Variants in TOX observed in about 807,000 individuals in gnomAD.
TOX encodes the protein thymocyte selection-associated high mobility group box protein TOX.
TOX carries 11 observed loss-of-function variants against 53.7 expected under a neutral mutation model. That is an observed-to-expected ratio of 0.20 (90% CI 0.13 to 0.34). TOX has a LOEUF of 0.34. Ranked by LOEUF, TOX falls within the 10% of genes least tolerant of loss-of-function variation. TOX has a pLI of 1.00. For missense variants in TOX, 570 were observed against 664.6 expected (o/e 0.86, Z 1.56); for synonymous variants, 225 against 245.3 (o/e 0.92, Z 0.77).
chr8:58,998,265 G>T (rs951241946), intron 1 of TOX, among the ~76,000 whole-genome samples: 2 of 150,974 alleles, frequency 1.3e-5, no homozygotes, highest in Non-Finnish European at 3.0e-5. Flanking sequence ...GAGGTGGGTG[G>T]ATCACTTGAG....
intron 3 of TOX, among the ~76,000 whole-genome samples, chr8:58,878,778 A>G (rs1438796037): frequency 6.6e-6 from 1 of 152,092 alleles, no homozygotes; most frequent in Non-Finnish European, 1.5e-5. Flanking sequence ...GTGTTTGAGT[A>G]GGCCAGGCAC....
chr8:58,862,127 A>G (rs950072683), intron 3 of TOX, among the ~76,000 whole-genome samples: 2 of 152,162 alleles, frequency 1.3e-5, no homozygotes, highest in Non-Finnish European at 2.9e-5. Flanking sequence ...TTAAAATAGC[A>G]TGAAACGAAG....
At chr8:58,811,993 C>T (rs879337026) in intron 7 of TOX, among the ~76,000 whole-genome samples, 7 of 151,978 alleles carry the variant, frequency 4.6e-5, no homozygotes, top group Admixed American at 1.3e-4. Flanking sequence ...TTGCTGTTAA[C>T]GTTCTTCTCT....
rs118163690 is a variant in TOX at position 58,843,354 on chromosome 8, G to A, written c.694-5043C>T. 3.7e-4 allele frequency among the ~76,000 whole-genome samples: 57 copies of A among 152,182 alleles called. 1 individual carries two copies. In the East Asian group the frequency reaches 9.6e-3, roughly 26 times the overall value. On this transcript the variant is annotated intron_variant, in intron 4 of 8. Coordinates refer to ENST00000361421, the MANE Select transcript of TOX (RefSeq NM_014729.3). ...ACTAGATCACCAAAGCTAGATTCTT[G>A]GAACATAATATTCTGAACATTTATA...
intron 7 of TOX, among the ~76,000 whole-genome samples, chr8:58,812,736 T>C (rs1015820031): frequency 6.6e-6 from 1 of 152,220 alleles, no homozygotes; most frequent in Non-Finnish European, 1.5e-5. Flanking sequence ...TTGTTCTCAC[T>C]CATCACTCAA....
At chr8:58,890,572 G>A (rs747042981) in intron 3 of TOX, among the ~76,000 whole-genome samples, 4 of 152,120 alleles carry the variant, frequency 2.6e-5, no homozygotes, top group African/African-American at 7.2e-5. Flanking sequence ...GATATTGGAC[G>A]GTAGGGAGGA....
intron 3 of TOX, among the ~76,000 whole-genome samples, chr8:58,871,986 A>G (rs748794760): frequency 2.0e-5 from 3 of 152,158 alleles, no homozygotes; most frequent in Non-Finnish European, 2.9e-5. Flanking sequence ...CCATTCTCCA[A>G]TAAAAAGAAA....
intron 1 of TOX, among the ~76,000 whole-genome samples, chr8:58,981,836 A>C (rs1271285019): frequency 1.3e-5 from 2 of 152,140 alleles, no homozygotes; most frequent in African/African-American, 4.8e-5. Context: ...CATTCTTAAG[A>C]ATAATCCTTC....
chr8:58,984,875 G>T (rs1813298072), intron 1 of TOX, among the ~76,000 whole-genome samples: 1 of 151,166 alleles, frequency 6.6e-6, no homozygotes, highest in East Asian at 1.9e-4. Flanking sequence ...TGGTGGGCAT[G>T]TAAGATGGTG....
chr8:58,901,429 C>A (rs1238462003), intron 3 of TOX, among the ~76,000 whole-genome samples: 4 of 152,250 alleles, frequency 2.6e-5, no homozygotes, highest in East Asian at 1.9e-4. Flanking sequence ...CTGCTGAGAA[C>A]ATTAAGGTGA....
chr8:58,897,189 C>T (rs1031981495), intron 3 of TOX, among the ~76,000 whole-genome samples: 1 of 152,108 alleles, frequency 6.6e-6, no homozygotes, highest in Non-Finnish European at 1.5e-5. Flanking sequence ...TATAAAAATG[C>T]CCTGCCTTTC....
chr8:59,109,672 T>C (rs994908891), intron 1 of TOX, among the ~76,000 whole-genome samples: 2 of 152,168 alleles, frequency 1.3e-5, no homozygotes, highest in Non-Finnish European at 2.9e-5. Flanking sequence ...AAATTATCTC[T>C]TATTGAAATA....
chr8:59,045,732 T>TG (rs1393789703), intron 1 of TOX, among the ~76,000 whole-genome samples: 1 of 152,172 alleles, frequency 6.6e-6, no homozygotes, highest in Non-Finnish European at 1.5e-5. Flanking sequence ...CTCTCCTGCC[T>TG]GAAAAAACTA....
At chr8:59,073,723 C>T (rs906364786) in intron 1 of TOX, among the ~76,000 whole-genome samples, 3 of 152,052 alleles carry the variant, frequency 2.0e-5, no homozygotes, top group Admixed American at 2.0e-4. Context: ...GCCTTCCCTC[C>T]AACAGATTTG....
At chr8:58,902,344 A>G (rs933642334) in intron 3 of TOX, among the ~76,000 whole-genome samples, 5 of 152,156 alleles carry the variant, frequency 3.3e-5, no homozygotes, top group Non-Finnish European at 5.9e-5. Flanking sequence ...GAACAATTCA[A>G]TCCATCATCT....
At chr8:59,035,294 T>C (rs1814436491) in intron 1 of TOX, among the ~76,000 whole-genome samples, 1 of 152,108 alleles carries the variant, frequency 6.6e-6, no homozygotes. Flanking sequence ...TAGATGAAAA[T>C]TAGAGCCAAT....
chr8:59,029,088 T>C (rs1814301176), intron 1 of TOX, among the ~76,000 whole-genome samples: 1 of 152,174 alleles, frequency 6.6e-6, no homozygotes, highest in African/African-American at 2.4e-5. Flanking sequence ...AATCGTACTG[T>C]CATTTGTTTT....
chr8:58,896,606 C>T (rs1811651409), intron 3 of TOX, among the ~76,000 whole-genome samples: 1 of 151,894 alleles, frequency 6.6e-6, no homozygotes, highest in Non-Finnish European at 1.5e-5. Context: ...ACCAGGGAGT[C>T]GGAGGTTGCA....
intron 1 of TOX, among the ~76,000 whole-genome samples, chr8:59,061,937 TC>T (rs1046050996): frequency 6.6e-6 from 1 of 152,190 alleles, no homozygotes; most frequent in African/African-American, 2.4e-5. Flanking sequence ...TCAGATTTTA[TC>T]TTTTTATGTA....
Sources: gnomAD v4.1 joint callset for allele counts (sites outside exome capture counted in the v4.1 genomes callset) on GRCh38, gnomAD v4.1.1 for gene constraint, MANE v1.5 for transcripts, NCBI Gene and HGNC (gene_info 2026-07-23, HGNC 2026-07-21) for gene names.